Variants in TESK2 observed in about 807,000 individuals in gnomAD.
TESK2 encodes testis associated actin remodelling kinase 2.
TESK2 carries 39 observed loss-of-function variants against 57.1 expected under a neutral mutation model. The observed-to-expected ratio is 0.68, with a 90% CI of 0.53 to 0.89. The LOEUF (loss-of-function observed/expected upper bound fraction) is 0.89, where lower values mean the gene tolerates loss of function less well. Among genes scored for constraint, TESK2 ranks in the 40% least tolerant of loss-of-function variants. The probability of loss-of-function intolerance (pLI) is 0.00; values close to 1 mark genes in which losing one functional copy is unlikely to be tolerated. For missense variants in TESK2, 646 were observed against 732.1 expected (o/e 0.88, Z 1.36); for synonymous variants, 249 against 267.9 (o/e 0.93, Z 0.69).
At chr1:45,401,780 C>A (rs921995527) in intron 3 of TESK2, among the ~76,000 whole-genome samples, 8 of 152,036 alleles carry the variant, frequency 5.3e-5, no homozygotes, top group African/African-American at 1.7e-4. Context: ...TTCAATAAAA[C>A]CACTTTTGGT....
At chr1:45,400,198 A>G (rs1195204381) in intron 3 of TESK2, among the ~76,000 whole-genome samples, 1 of 152,230 alleles carries the variant, frequency 6.6e-6, no homozygotes, top group Non-Finnish European at 1.5e-5. Context: ...AGAAGAGTCA[A>G]TATCAGAGTG....
At chr1:45,473,648 A>G (rs1377260353) in intron 1 of TESK2, among the ~76,000 whole-genome samples, 2 of 152,340 alleles carry the variant, frequency 1.3e-5, no homozygotes, top group South Asian at 2.1e-4. Context: ...CTTCTTTCCA[A>G]TGACATAACA....
At chr1:45,414,920 A>G (rs747492327) in intron 3 of TESK2, 1 of 455,962 alleles carries the variant, frequency 2.2e-6, no homozygotes, top group Non-Finnish European at 4.0e-6. Flanking sequence ...TATTAAAAGC[A>G]ACAGTAGGCA....
chr1:45,481,924 C>T (rs1332126026), intron 1 of TESK2, among the ~76,000 whole-genome samples: 1 of 152,158 alleles, frequency 6.6e-6, no homozygotes, highest in Admixed American at 6.6e-5. Context: ...TATTAAATCA[C>T]AACTGCATAA....
intron 3 of TESK2, among the ~76,000 whole-genome samples, chr1:45,393,780 T>C (rs1230684813): frequency 6.6e-6 from 1 of 150,778 alleles, no homozygotes; most frequent in Admixed American, 6.6e-5. Context: ...TTAATCACTC[T>C]AAATGTTGTA....
chr1:45,407,979 T>C (rs1256450791), intron 3 of TESK2, among the ~76,000 whole-genome samples: 1 of 152,206 alleles, frequency 6.6e-6, no homozygotes, highest in African/African-American at 2.4e-5. Flanking sequence ...ACATCTCTCC[T>C]GAATCTTGTA....
intron 2 of TESK2, 33 bp downstream of exon 2, chr1:45,457,531 A>G: frequency 6.3e-7 from 1 of 1,595,400 alleles, no homozygotes; most frequent in Non-Finnish European, 8.6e-7. Flanking sequence ...GACCACAGCA[A>G]GACAATATGA....
chr1:45,345,961 T>C lies in TESK2; in HGVS notation c.913A>G (p.Ile305Val). 6.2e-7 allele frequency: 1 copy of C among 1,614,044 alleles called. No homozygotes were observed. The highest frequency in any genetic ancestry group is 8.5e-7 in the Non-Finnish European group (1 of 1,179,988). The change falls in exon 10 of 11, where the codon ATT becomes GTT. Residue 305 changes from isoleucine to valine, a missense_variant. Coordinates refer to ENST00000372086, the MANE Select transcript of TESK2 (RefSeq NM_007170.3). ...DPKLRPSFVE[I>V]GKTLEEILSR... ...AGAATTTCCTCCAGGGTCTTCCCAA[T>C]CTCCACAAAAGATGGGCGCAGTTTG...
At chr1:45,412,971 G>A (rs1650094232) in intron 3 of TESK2, among the ~76,000 whole-genome samples, 1 of 152,162 alleles carries the variant, frequency 6.6e-6, no homozygotes, top group African/African-American at 2.4e-5. Flanking sequence ...AGTGAGCCTG[G>A]GCAACAGAGT....
At chr1:45,429,399 A>C (rs1471294935) in intron 2 of TESK2, among the ~76,000 whole-genome samples, 1 of 152,100 alleles carries the variant, frequency 6.6e-6, no homozygotes, top group Non-Finnish European at 1.5e-5. Context: ...CCATCTAAAA[A>C]ACAGATTAAA....
chr1:45,471,369 G>A (rs1016424321), intron 1 of TESK2, among the ~76,000 whole-genome samples: 3 of 152,092 alleles, frequency 2.0e-5, no homozygotes, highest in Non-Finnish European at 4.4e-5. Flanking sequence ...TCAGTCTCCT[G>A]AAAGATACAT....
intron 4 of TESK2, among the ~76,000 whole-genome samples, chr1:45,369,493 C>CTAAA (rs764426870): frequency 7.3e-5 from 11 of 151,278 alleles, no homozygotes; most frequent in South Asian, 2.1e-4. Context: ...AACTCCATCT[C>CTAAA]TAAATAAATA....
At chr1:45,347,885 C>G (rs759096156) in intron 6 of TESK2, 33 bp downstream of exon 6, 1 of 1,570,064 alleles carries the variant, frequency 6.4e-7, no homozygotes, top group Admixed American at 1.7e-5. Flanking sequence ...GCCCCCTGTC[C>G]CTTGGACCCC....
chr1:45,449,367 A>C (rs190428212), intron 2 of TESK2, among the ~76,000 whole-genome samples: 42 of 152,272 alleles, frequency 2.8e-4, no homozygotes, highest in Admixed American at 2.6e-3. Context: ...TGAACTGAAA[A>C]CTTATGTCCA....
chr1:45,482,682 C>T (rs1164463286), intron 1 of TESK2, among the ~76,000 whole-genome samples: 1 of 150,718 alleles, frequency 6.6e-6, no homozygotes, highest in Non-Finnish European at 1.5e-5. Context: ...TGCGGGAAGT[C>T]AAAAATTATA....
rs374567880 is a variant in TESK2 at position 45,413,466 on chromosome 1, T to C, written c.344+8259A>G. Among the ~76,000 whole-genome samples, 12 of 152,292 alleles carry C rather than the reference T, an allele frequency of 7.9e-5. No individual in the cohort carries two copies. In the East Asian group the frequency reaches 1.2e-3, roughly 15 times the overall value. On this transcript the variant is annotated intron_variant, in intron 3 of 10. Transcript: ENST00000372086. ...TAGCTCTGGCAGAAGAGAACCAAGG[T>C]ATGCCCAGAGGATTAAATGCCTACC...
chr1:45,398,674 C>G (rs1649459526), intron 3 of TESK2: 3 of 198,370 alleles, frequency 1.5e-5, no homozygotes. Flanking sequence ...GGCAGGGATC[C>G]TGTGTGTGGA....
chr1:45,478,284 C>T (rs1464531079), intron 1 of TESK2, among the ~76,000 whole-genome samples: 1 of 152,168 alleles, frequency 6.6e-6, no homozygotes, highest in African/African-American at 2.4e-5. Flanking sequence ...TCTCTGACCC[C>T]TCAATCTCAT....
At chr1:45,448,934 GC>G (rs1350958430) in intron 2 of TESK2, among the ~76,000 whole-genome samples, 2 of 152,090 alleles carry the variant, frequency 1.3e-5, no homozygotes, top group Non-Finnish European at 2.9e-5. Context: ...TGGTTGAAAT[GC>G]AAAATGGGGC....
Sources: gnomAD v4.1 joint callset for allele counts (sites outside exome capture counted in the v4.1 genomes callset) on GRCh38, gnomAD v4.1.1 for gene constraint, MANE v1.5 for transcripts, NCBI Gene and HGNC (gene_info 2026-07-23, HGNC 2026-07-21) for gene names.